The following DOK6 variants were observed in gnomAD, a reference collection of about 807,000 sequenced individuals.
DOK6 encodes downstream of tyrosine kinase 6.
Under a neutral mutation model 44.0 loss-of-function variants are expected in DOK6, and 22 were observed. The ratio of observed to expected loss-of-function variants is 0.50; its 90% CI spans 0.36 to 0.71. The LOEUF (loss-of-function observed/expected upper bound fraction) is 0.71, where lower values mean the gene tolerates loss of function less well. DOK6 is among the 30% of genes least tolerant of loss of function. The pLI is 0.00. For synonymous variants in DOK6, 166 were observed against 145.5 expected (o/e 1.14, Z -1.01); for missense variants, 340 against 416.4 (o/e 0.82, Z 1.60).
intron 7 of DOK6, among the ~76,000 whole-genome samples, chr18:69,766,322 C>T (rs980101554): frequency 6.6e-6 from 1 of 152,110 alleles, no homozygotes. Context: ...TGGGATCAGT[C>T]GTAACCATAA....
chr18:69,468,446 C>T (rs1262969020), intron 1 of DOK6, among the ~76,000 whole-genome samples: 1 of 152,170 alleles, frequency 6.6e-6, no homozygotes, highest in Non-Finnish European at 1.5e-5. Context: ...TTCAGTTAAG[C>T]TCAATGCAAT....
At chr18:69,657,220 G>C (rs555774443) in intron 3 of DOK6, among the ~76,000 whole-genome samples, 19 of 152,312 alleles carry the variant, frequency 1.2e-4, no homozygotes, top group Middle Eastern at 3.4e-3. Context: ...TGTTGGGTTG[G>C]ATTATTGTTC....
At chr18:69,812,327 T>A (rs560073955) in intron 7 of DOK6, among the ~76,000 whole-genome samples, 1 of 152,300 alleles carries the variant, frequency 6.6e-6, no homozygotes, top group Non-Finnish European at 1.5e-5. Flanking sequence ...ATAGTGATAA[T>A]ACTGTACTGT....
intron 7 of DOK6, among the ~76,000 whole-genome samples, chr18:69,819,316 A>T (rs928624478): frequency 6.6e-6 from 1 of 152,182 alleles, no homozygotes; most frequent in African/African-American, 2.4e-5. Flanking sequence ...AAATGTCATT[A>T]ATGCACATTT....
At chr18:69,756,434 AAG>A in intron 6 of DOK6, among the ~76,000 whole-genome samples, 1 of 152,238 alleles carries the variant, frequency 6.6e-6, no homozygotes, top group East Asian at 1.9e-4. Context: ...TCTTTAAAAA[AAG>A]AAAGATACCT....
At chr18:69,465,389 C>T (rs995740685) in intron 1 of DOK6, among the ~76,000 whole-genome samples, 3 of 151,784 alleles carry the variant, frequency 2.0e-5, no homozygotes, top group South Asian at 2.1e-4. Context: ...ATATGCCATG[C>T]TGGTGTGCTG....
intron 1 of DOK6, among the ~76,000 whole-genome samples, chr18:69,559,488 A>G (rs1330619476): frequency 6.6e-6 from 1 of 152,106 alleles, no homozygotes; most frequent in Non-Finnish European, 1.5e-5. Context: ...AATATTGATA[A>G]TCTCTATACA....
At chr18:69,709,193 T>C (rs1599276924) in intron 5 of DOK6, among the ~76,000 whole-genome samples, 1 of 152,288 alleles carries the variant, frequency 6.6e-6, no homozygotes, top group East Asian at 1.9e-4. Flanking sequence ...GTCACTTACT[T>C]TAATGGTGGT....
At chr18:69,417,138 A>G (rs1236717413) in intron 1 of DOK6, among the ~76,000 whole-genome samples, 5 of 152,058 alleles carry the variant, frequency 3.3e-5, no homozygotes, top group African/African-American at 1.2e-4. Flanking sequence ...TAACTTTACT[A>G]TAGTCACCCT....
chr18:69,690,189 A>T (rs74969441), intron 4 of DOK6, among the ~76,000 whole-genome samples: 5,768 of 148,436 alleles, frequency 0.039, 168 homozygotes, highest in East Asian at 0.096. Flanking sequence ...ATACTGTGGA[A>T]TTTTTTTTTT....
chr18:69,846,002 C>T lies in DOK6; in HGVS notation c.*4619C>T, dbSNP rs1261908684. The T allele has an allele frequency of 6.6e-6, 1 of 152,178 alleles. No individual in the cohort carries two copies. 9.4% of individuals were successfully genotyped at this position (152,178 alleles called of 1,614,324 possible). A position where few individuals can be genotyped will look rare whatever the true frequency, so the allele number is the denominator to read the frequency against. ...GGGCTGGATCTGTGAGACAAGCTCA[C>T]ACTCTCATGTGTGCATTCTCTATTA... On this transcript the variant is annotated 3_prime_UTR_variant, in exon 8 of 8. Transcript: ENST00000382713.
chr18:69,412,943 G>C (rs1168132963), intron 1 of DOK6, among the ~76,000 whole-genome samples: 2 of 152,080 alleles, frequency 1.3e-5, no homozygotes, highest in African/African-American at 4.8e-5. Context: ...CAGGGGAGGA[G>C]AGACTAGTCA....
At chr18:69,697,271 C>T (rs1986409783) in intron 4 of DOK6, among the ~76,000 whole-genome samples, 1 of 152,100 alleles carries the variant, frequency 6.6e-6, no homozygotes, top group Non-Finnish European at 1.5e-5. Flanking sequence ...ATAGTACATT[C>T]CTAAACATAT....
intron 5 of DOK6, among the ~76,000 whole-genome samples, chr18:69,735,800 T>C (rs1277747204): frequency 6.6e-6 from 1 of 152,068 alleles, no homozygotes; most frequent in Non-Finnish European, 1.5e-5. Flanking sequence ...GGCAGAATAT[T>C]CCAAAGGCCC....
rs371717661 is a variant in DOK6 at position 69,544,154 on chromosome 18, A to G, written c.67-20333A>G. Among the ~76,000 whole-genome samples, 196 of 150,528 alleles carry G rather than the reference A, an allele frequency of 1.3e-3. 2 individuals are homozygous for G. The highest frequency in any genetic ancestry group is 4.6e-3 in the African/African-American group (188 of 41,222). The stretch of plus-strand genomic sequence containing the variant: ...GCATCTGTAATCACAGCTATGTGGG[A>G]GGCTGAGGCAGGAGAATCACTTGAA... On this transcript the variant is annotated intron_variant, in intron 1 of 7. Transcript: ENST00000382713.
Position 69,843,078 on chromosome 18 carries a change from T to A in DOK6, c.*1695T>A, listed in dbSNP as rs1291434143. 6.6e-6 allele frequency: 1 copy of A among 152,092 alleles called. No individual in the cohort carries two copies. Among genetic ancestry groups the A allele is most frequent in the South Asian group, 2.1e-4 (1 of 4,826 alleles). The allele number at this position is 152,092 out of a possible 1,614,324, so 9.4% of individuals were successfully genotyped here. The stretch of plus-strand genomic sequence containing the variant: ...TGGTTCCGGATCCCTCCTAGATAAA[T>A]GTGCACTTACAGCAACTACCTAGGC... On this transcript the variant is annotated 3_prime_UTR_variant, in exon 8 of 8. Coordinates refer to ENST00000382713, the MANE Select transcript of DOK6 (RefSeq NM_152721.6).
intron 5 of DOK6, chr18:69,724,989 C>T (rs964722177): frequency 6.6e-6 from 1 of 152,176 alleles, no homozygotes; most frequent in African/African-American, 2.4e-5. Flanking sequence ...TCTGAAATTA[C>T]CCTTTCCAGA....
chr18:69,615,805 A>C (rs12455798), intron 3 of DOK6, among the ~76,000 whole-genome samples: 4 of 151,808 alleles, frequency 2.6e-5, no homozygotes, highest in Non-Finnish European at 5.9e-5. Flanking sequence ...CCCTGTAGTG[A>C]CCAGCCTCTA....
At chr18:69,482,617 C>T (rs1396077185) in intron 1 of DOK6, among the ~76,000 whole-genome samples, 2 of 151,906 alleles carry the variant, frequency 1.3e-5, no homozygotes, top group East Asian at 1.9e-4. Flanking sequence ...TTGGAAATGA[C>T]AAAACAAATT....
Sources: gnomAD v4.1 joint callset for allele counts (sites outside exome capture counted in the v4.1 genomes callset) on GRCh38, gnomAD v4.1.1 for gene constraint, MANE v1.5 for transcripts, NCBI Gene and HGNC (gene_info 2026-07-23, HGNC 2026-07-21) for gene names.